Variants in ARAP2 observed in about 807,000 individuals in gnomAD.
The protein encoded by ARAP2 is ArfGAP with RhoGAP domain, ankyrin repeat and PH domain 2, also known as arf-GAP with Rho-GAP domain, ANK repeat and PH domain-containing protein 2.
Under a neutral mutation model 194.5 loss-of-function variants are expected in ARAP2, and 148 were observed. The observed-to-expected ratio is 0.76, with a 90% confidence interval of 0.67 to 0.87. The LOEUF (loss-of-function observed/expected upper bound fraction) is 0.87, where lower values mean the gene tolerates loss of function less well. Ranked by LOEUF, ARAP2 falls within the 40% of genes least tolerant of loss-of-function variation. The pLI, the probability that ARAP2 is intolerant of heterozygous loss-of-function variation, is 0.00. For synonymous variants in ARAP2, 695 were observed against 683.5 expected (o/e 1.02, Z -0.26); for missense variants, 2,128 against 1,989.7 (o/e 1.07, Z -1.32).
downstream of ARAP2, among the ~76,000 whole-genome samples, chr4:36,061,823 GT>G (rs1724492150): frequency 6.6e-6 from 1 of 151,992 alleles, no homozygotes; most frequent in Non-Finnish European, 1.5e-5. Flanking sequence ...ATGATTGACT[GT>G]TTTGGGGGTA....
chr4:36,159,607 T>C (rs999494072), intron 13 of ARAP2, 102 bp from the exon 14 acceptor site: 1 of 1,049,452 alleles, frequency 9.5e-7, no homozygotes, highest in Non-Finnish European at 1.3e-6. Context: ...ATAAAGTCTG[T>C]ATTCCTTTTA....
Position 36,133,215 on chromosome 4 carries a change from G to C in ARAP2, c.3427+11C>G. 1 of 1,609,260 alleles carries C rather than the reference G, an allele frequency of 6.2e-7. No individual in the cohort carries two copies. Among genetic ancestry groups the C allele is most frequent in the Non-Finnish European group, 8.5e-7 (1 of 1,177,052 alleles). On this transcript the variant is annotated intron_variant, in intron 20 of 32. Transcript: ENST00000303965. Reference sequence around the variant, plus strand: ...GTTCTAAGGGTTGAATAAAAACTCAGTGATACTTACCATACTGTGTAACAA... The same window carrying C: ...GTTCTAAGGGTTGAATAAAAACTCACTGATACTTACCATACTGTGTAACAA...
chr4:36,040,637 C>T (rs1231771920), intron 5 of ARAP2, among the ~76,000 whole-genome samples: 2 of 152,084 alleles, frequency 1.3e-5, no homozygotes, highest in Admixed American at 1.3e-4. Context: ...TGATTTTGCT[C>T]TTGGCTTGGC....
At chr4:36,162,740 T>C (rs181917413) in intron 11 of ARAP2, among the ~76,000 whole-genome samples, 2 of 151,976 alleles carry the variant, frequency 1.3e-5, no homozygotes, top group South Asian at 2.1e-4. Flanking sequence ...CTTAAAAGCC[T>C]GTAGGAAGAG....
At chr4:36,130,561 A>G (rs988826412) in intron 20 of ARAP2, among the ~76,000 whole-genome samples, 2 of 151,730 alleles carry the variant, frequency 1.3e-5, no homozygotes, top group African/African-American at 2.4e-5. Context: ...CTCTGTTTCC[A>G]TGCCTTCTCT....
At chr4:36,243,465 T>G (rs1412300214) in intron 1 of ARAP2, 1 of 149,618 alleles carries the variant, frequency 6.7e-6, no homozygotes, top group African/African-American at 2.5e-5. Flanking sequence ...TCCACACAAA[T>G]TAGCTTATTT....
At chr4:36,180,162 C>T in intron 8 of ARAP2, among the ~76,000 whole-genome samples, 1 of 152,104 alleles carries the variant, frequency 6.6e-6, no homozygotes, top group East Asian at 1.9e-4. Flanking sequence ...ATCCAAGCAA[C>T]TCAGGAGGCT....
At position 36,208,804 on chromosome 4, in the gene ARAP2, T is replaced by C. The variant is rs188165935; in HGVS notation, c.1487+1586A>G. Among the ~76,000 whole-genome samples the C allele has an allele frequency of 1.8e-4, 28 of 151,886 alleles. No individual in the cohort carries two copies. The East Asian group carries it at 5.0e-3, about 27-fold the overall frequency. ...AAGCCCCTTGGTTTATTTTCTTATATCCACTCATCTCGGTATTTTGGTTGG... is the reference window on the plus strand; with the variant it reads ...AAGCCCCTTGGTTTATTTTCTTATACCCACTCATCTCGGTATTTTGGTTGG... On this transcript the variant is annotated intron_variant, in intron 6 of 32. Coordinates refer to ENST00000303965, the MANE Select transcript of ARAP2 (RefSeq NM_015230.4).
At chr4:36,026,667 A>G (rs998225935) in intron 5 of ARAP2, among the ~76,000 whole-genome samples, 1 of 152,196 alleles carries the variant, frequency 6.6e-6, no homozygotes, top group African/African-American at 2.4e-5. Flanking sequence ...AAAAGATAGT[A>G]CAAGGGCTGG....
At chr4:36,104,091 G>T (rs1717736936) in intron 27 of ARAP2, among the ~76,000 whole-genome samples, 1 of 151,794 alleles carries the variant, frequency 6.6e-6, no homozygotes, top group Non-Finnish European at 1.5e-5. Flanking sequence ...CTAATGTGGG[G>T]GTGTAAGGTA....
At chr4:36,187,017 G>A (rs1486906719) in intron 8 of ARAP2, among the ~76,000 whole-genome samples, 2 of 152,182 alleles carry the variant, frequency 1.3e-5, no homozygotes, top group Non-Finnish European at 2.9e-5. Flanking sequence ...TGTCTTCCAC[G>A]AAACCAGTCC....
chr4:36,153,824 A>T (rs1290315206), intron 15 of ARAP2, among the ~76,000 whole-genome samples: 1 of 152,164 alleles, frequency 6.6e-6, no homozygotes, highest in Non-Finnish European at 1.5e-5. Flanking sequence ...CTTCATCATC[A>T]TCATCATATT....
At chr4:36,044,058 G>A (rs1337848833) in intron 5 of ARAP2, among the ~76,000 whole-genome samples, 3 of 152,060 alleles carry the variant, frequency 2.0e-5, no homozygotes, top group African/African-American at 7.2e-5. Flanking sequence ...TGGAAGAGAA[G>A]CACTCAGAGG....
chr4:36,055,852 C>T (rs1252134377), intron 2 of ARAP2, among the ~76,000 whole-genome samples: 1 of 152,230 alleles, frequency 6.6e-6, no homozygotes, highest in African/African-American at 2.4e-5. Context: ...GCGTGAGCCA[C>T]TGCGCCCAGC....
At chr4:36,053,023 T>C (rs1271291530) in intron 2 of ARAP2, among the ~76,000 whole-genome samples, 4 of 152,146 alleles carry the variant, frequency 2.6e-5, no homozygotes, top group Non-Finnish European at 5.9e-5. Flanking sequence ...TTTTTGTTTG[T>C]TTTAGATGGA....
At chr4:36,035,981 T>C (rs1284921982) in intron 5 of ARAP2, among the ~76,000 whole-genome samples, 1 of 152,158 alleles carries the variant, frequency 6.6e-6, no homozygotes, top group African/African-American at 2.4e-5. Context: ...CTCTGTGACA[T>C]TGGTTTGTTA....
At chr4:36,090,641 T>C (rs539796310) in intron 28 of ARAP2, among the ~76,000 whole-genome samples, 8 of 152,228 alleles carry the variant, frequency 5.3e-5, no homozygotes, top group African/African-American at 1.9e-4. Flanking sequence ...GCCATTATCG[T>C]TGGCAAACTA....
At chr4:36,110,892 A>T (rs1418362583) in intron 26 of ARAP2, among the ~76,000 whole-genome samples, 4 of 151,946 alleles carry the variant, frequency 2.6e-5, no homozygotes, top group Admixed American at 2.6e-4. Flanking sequence ...AGGTTTAAGA[A>T]TCTATTTGCA....
intron 1 of ARAP2, among the ~76,000 whole-genome samples, chr4:36,240,160 A>G (rs1172688919): frequency 1.3e-5 from 2 of 152,382 alleles, no homozygotes; most frequent in East Asian, 3.8e-4. Flanking sequence ...AATTTAAGAT[A>G]TATAAGAATA....
Sources: allele counts gnomAD v4.1 joint callset (sites outside exome capture counted in the v4.1 genomes callset), GRCh38; gene constraint gnomAD v4.1.1; transcripts MANE v1.5; gene names NCBI Gene and HGNC (gene_info 2026-07-23, HGNC 2026-07-21).